The following GJC1 variants were observed in gnomAD, a reference collection of about 807,000 sequenced individuals.
GJC1 encodes gap junction gamma-1 protein.
A neutral mutation model predicts 29.3 loss-of-function variants in GJC1; 5 were observed. The ratio of observed to expected loss-of-function variants is 0.17; its 90% CI spans 0.09 to 0.36. The LOEUF is 0.36. Among genes scored for constraint, GJC1 ranks in the 10% least tolerant of loss-of-function variants. The pLI, the probability that GJC1 is intolerant of heterozygous loss-of-function variation, is 1.00. For synonymous variants in GJC1, 177 were observed against 183.3 expected (o/e 0.97, Z 0.28); for missense variants, 310 against 496.2 (o/e 0.62, Z 3.56).
At chr17:44,816,727 A>C (rs2145341799) in intron 1 of GJC1, among the ~76,000 whole-genome samples, 1 of 151,570 alleles carries the variant, frequency 6.6e-6, no homozygotes, top group African/African-American at 2.4e-5. Flanking sequence ...GCTGGTCTCG[A>C]ACTCCTGACT....
chr17:44,818,243 C>T (rs746726109), intron 1 of GJC1, among the ~76,000 whole-genome samples: 1 of 152,044 alleles, frequency 6.6e-6, no homozygotes, highest in Non-Finnish European at 1.5e-5. Flanking sequence ...CAAAAAAATG[C>T]ACAAACACCA....
At position 44,800,741 on chromosome 17, in the gene GJC1, C is replaced by T. The variant is rs1206171950; in HGVS notation, c.*3886G>A. The T allele has an allele frequency of 6.6e-6, 1 of 151,844 alleles. No homozygotes were observed. Among genetic ancestry groups the T allele is most frequent in the Non-Finnish European group, 1.5e-5 (1 of 67,966 alleles). 9.4% of individuals were successfully genotyped at this position (151,844 alleles called of 1,614,324 possible). On this transcript the variant is annotated 3_prime_UTR_variant, in exon 3 of 3. Transcript: ENST00000592524. ...ATCACAGTCCAACTTTTTTTTTAAG[C>T]GCCAAGTTCAAACAAGTGACCAATA...
Position 44,805,000 on chromosome 17 carries a change from C to A in GJC1, c.818G>T (p.Gly273Val). The A allele has an allele frequency of 6.2e-7, 1 of 1,614,032 alleles. No homozygotes were observed. The highest frequency in any genetic ancestry group is 8.5e-7 in the Non-Finnish European group (1 of 1,180,004). ...CCAAGTGAAAGGATAATTATAAGCA[C>A]CCGGATCCTCAAGTTCCCTCCTTTT... The part of the protein sequence containing the change: ...NSKRRELEDP[G>V]AYNYPFTWNT... Residue 273 changes from glycine (G) to valine (V), a missense_variant, in exon 3 of 3, where the codon GGT becomes GTT. This residue lies in a region of GJC1 where 146 missense variants were observed against 165.0 expected (regional missense o/e 0.88). Transcript: ENST00000592524.
chr17:44,795,210 CCGAAG>C (rs2049776108), downstream of GJC1: 1 of 152,080 alleles, frequency 6.6e-6, no homozygotes, highest in South Asian at 2.1e-4. Flanking sequence ...AGTCATGATC[CCGAAG>C]TGCTAAATGC....
At chr17:44,829,891 G>A (rs1422112573) in intron 1 of GJC1, among the ~76,000 whole-genome samples, 171 bp downstream of exon 1, 1 of 151,974 alleles carries the variant, frequency 6.6e-6, no homozygotes, top group Non-Finnish European at 1.5e-5. Flanking sequence ...GGACTCGGCG[G>A]GAACCCCTCG....
At chr17:44,796,057 C>T (rs2049781759), downstream of GJC1, among the ~76,000 whole-genome samples, 1 of 152,208 alleles carries the variant, frequency 6.6e-6, no homozygotes, top group Non-Finnish European at 1.5e-5. Context: ...TTCTGCAGGT[C>T]GGTGGCCTGC....
chr17:44,827,813 T>C (rs1487841255), intron 1 of GJC1, among the ~76,000 whole-genome samples: 2 of 151,484 alleles, frequency 1.3e-5, no homozygotes, highest in African/African-American at 2.4e-5. Context: ...CGGGTACCTG[T>C]AGTCCCAGCC....
chr17:44,822,130 G>T (rs1239786791), intron 1 of GJC1, among the ~76,000 whole-genome samples: 1 of 146,352 alleles, frequency 6.8e-6, no homozygotes, highest in Non-Finnish European at 1.5e-5. Context: ...CTGGGAGGCG[G>T]AGCTTGCAGT....
chr17:44,826,544 A>AG (rs1194684944), intron 1 of GJC1, among the ~76,000 whole-genome samples: 1 of 151,868 alleles, frequency 6.6e-6, no homozygotes, highest in Admixed American at 6.6e-5. Context: ...AAAAAAAAAA[A>AG]AGTAAAATGC....
intron 1 of GJC1, among the ~76,000 whole-genome samples, chr17:44,827,242 G>A (rs28612430): frequency 0.036 from 5,414 of 152,066 alleles, 328 homozygotes; most frequent in African/African-American, 0.12. Flanking sequence ...CTCGGGAGGC[G>A]GAGGTTGCAG....
At position 44,805,730 on chromosome 17, in the gene GJC1, C is replaced by T. The variant is rs2049906061; in HGVS notation, c.88G>A (p.Val30Ile). 1.2e-6 allele frequency: 2 copies of T among 1,614,008 alleles called. No individual in the cohort carries two copies. Among genetic ancestry groups the T allele is most frequent in the East Asian group, 2.2e-5 (1 of 44,898 alleles). The part of the protein sequence containing the change: ...VGKIWLTVLI[V>I]FRIVLTAVGG... ...ACAGCTGTAAGGACGATCCGGAAGA[C>T]AATCAGAACAGTGAGCCAGATCTTC... is the stretch of plus-strand genomic sequence containing the variant. The change falls in exon 3 of 3, where the codon GTC becomes ATC. Residue 30 changes from valine to isoleucine, a missense_variant. Physicochemically the swap from Val to Ile is conservative, Grantham distance 29. Coordinates refer to ENST00000592524, the MANE Select transcript of GJC1 (RefSeq NM_005497.4). The surrounding 1 kb of genome is among the most constrained non-coding windows in gnomAD (Gnocchi z 5.1).
chr17:44,804,486 A>G lies in GJC1; in HGVS notation c.*141T>C. The G allele has an allele frequency of 1.5e-6, 1 of 671,546 alleles. No homozygotes were observed. Among genetic ancestry groups the G allele is most frequent in the Non-Finnish European group, 2.6e-6 (1 of 391,208 alleles). The allele number at this position is 671,546 out of a possible 1,614,324, so 41.6% of individuals were successfully genotyped here. On this transcript the variant is annotated 3_prime_UTR_variant, in exon 3 of 3. Coordinates refer to ENST00000592524, the MANE Select transcript of GJC1 (RefSeq NM_005497.4). ...TCTCCCTCAGCCCAGCCCCGCCTCC[A>G]GAGTCCCCTGAGCTTGGATCATGAG...
chr17:44,808,492 T>C (rs1158859319), intron 1 of GJC1, among the ~76,000 whole-genome samples: 1 of 151,694 alleles, frequency 6.6e-6, no homozygotes, highest in East Asian at 1.9e-4. Flanking sequence ...GGCTCACGCC[T>C]GTAATCCCAG....
chr17:44,802,321 TCTCCCTCAGG>T lies in GJC1; in HGVS notation c.*2296_*2305del, dbSNP rs958448533. The T allele has an allele frequency of 2.6e-5, 4 of 152,090 alleles. No individual in the cohort carries two copies. Among genetic ancestry groups the T allele is most frequent in the Non-Finnish European group, 4.4e-5 (3 of 68,016 alleles). The allele number at this position is 152,090 out of a possible 1,614,324, so 9.4% of individuals were successfully genotyped here. On this transcript the variant is annotated 3_prime_UTR_variant, in exon 3 of 3. Transcript: ENST00000592524. ...TTTCCACTGGGCAAAGCCACTCTCT[TCTCCCTCAGG>T]CTCTGAAGAGATAACACAAATGTAT...
chr17:44,796,732 A>G (rs1226825028), downstream of GJC1, among the ~76,000 whole-genome samples: 2 of 125,660 alleles, frequency 1.6e-5, no homozygotes, highest in Non-Finnish European at 3.8e-5. Context: ...TATCTTAATA[A>G]AAGATTTAAA....
At chr17:44,797,086 C>T (rs1010824350), downstream of GJC1, among the ~76,000 whole-genome samples, 1 of 151,868 alleles carries the variant, frequency 6.6e-6, no homozygotes, top group Non-Finnish European at 1.5e-5. Flanking sequence ...ATCGCTATCT[C>T]TCTCTGTTAT....
chr17:44,819,454 C>T (rs533252156), intron 1 of GJC1, among the ~76,000 whole-genome samples: 1 of 151,946 alleles, frequency 6.6e-6, no homozygotes, highest in African/African-American at 2.4e-5. Context: ...GTCAGGAGAT[C>T]GAGACCATCC....
At chr17:44,818,815 G>A (rs1184020689) in intron 1 of GJC1, among the ~76,000 whole-genome samples, 1 of 150,142 alleles carries the variant, frequency 6.7e-6, no homozygotes, top group Admixed American at 6.7e-5. Flanking sequence ...GGTGTGGGGC[G>A]GGAAGAAGCT....
Position 44,805,122 on chromosome 17 carries a change from A to G in GJC1, c.696T>C (p.Leu232=). Residue 232 remains leucine (L), a synonymous_variant, in exon 3 of 3, where the codon CTT becomes CTC. Coordinates refer to ENST00000592524, the MANE Select transcript of GJC1 (RefSeq NM_005497.4). This position sits in a 1 kb window ranked among gnomAD's most constrained non-coding sequence, Gnocchi z 5.1. ...ISRPTEKTIF[L]LIMYGVTGLC... ...GGCCTGTAACACCATACATTATCAGAAGGAAGATGGTCTTTTCAGTGGGTC... is the reference window on the plus strand; with the variant it reads ...GGCCTGTAACACCATACATTATCAGGAGGAAGATGGTCTTTTCAGTGGGTC... The G allele has an allele frequency of 2.5e-6, 4 of 1,614,138 alleles. No individual in the cohort carries two copies. Among genetic ancestry groups the G allele is most frequent in the Non-Finnish European group, 3.4e-6 (4 of 1,179,990 alleles).
Sources: allele counts gnomAD v4.1 joint callset (sites outside exome capture counted in the v4.1 genomes callset), GRCh38; gene constraint gnomAD v4.1.1; regional missense constraint gnomAD v4.1.1; non-coding constraint Gnocchi (gnomAD v3.1); transcripts MANE v1.5; gene names NCBI Gene and HGNC (gene_info 2026-07-23, HGNC 2026-07-21).